Variants in LATS2 observed in about 807,000 individuals in gnomAD.
LATS2 encodes the protein serine/threonine-protein kinase LATS2.
A neutral mutation model predicts 76.0 loss-of-function variants in LATS2; 24 were observed. That is an observed-to-expected ratio of 0.32 (90% CI 0.23 to 0.44). LATS2 has a LOEUF of 0.44. Ranked by LOEUF, LATS2 falls within the 20% of genes least tolerant of loss-of-function variation. The pLI, the probability that LATS2 is intolerant of heterozygous loss-of-function variation, is 1.00. For synonymous variants in LATS2, 692 were observed against 635.4 expected (o/e 1.09, Z -1.34); for missense variants, 1,286 against 1,481.2 (o/e 0.87, Z 2.16).
At chr13:21,053,071 C>T (rs1399934172) in intron 1 of LATS2, among the ~76,000 whole-genome samples, 2 of 151,806 alleles carry the variant, frequency 1.3e-5, no homozygotes, top group African/African-American at 2.4e-5. Flanking sequence ...CCTGTGTCCA[C>T]CAAATATACA....
chr13:21,024,583 A>C (rs9509490), intron 2 of LATS2, among the ~76,000 whole-genome samples: 2 of 149,750 alleles, frequency 1.3e-5, no homozygotes, highest in African/African-American at 5.1e-5. Context: ...ATAGCGCCTC[A>C]CGGATGACAT....
intron 2 of LATS2, among the ~76,000 whole-genome samples, chr13:20,994,130 G>A (rs528398745): frequency 6.6e-6 from 1 of 152,174 alleles, no homozygotes; most frequent in Non-Finnish European, 1.5e-5. Flanking sequence ...TATGTTTATT[G>A]TGCATCAAAT....
chr13:20,988,419 G>A lies in LATS2; in HGVS notation c.1361C>T (p.Pro454Leu), dbSNP rs769757498. 85 of 1,434,010 alleles carry A rather than the reference G, an allele frequency of 5.9e-5. No homozygotes were observed. In the East Asian group the frequency reaches 2.0e-3, roughly 33 times the overall value. 88.8% of individuals were successfully genotyped at this position (1,434,010 alleles called of 1,614,324 possible). Residue 454 changes from proline to leucine, a missense_variant, in exon 4 of 8, where the codon CCG becomes CTG. Coordinates refer to ENST00000382592, the MANE Select transcript of LATS2 (RefSeq NM_014572.3). ...VKSVRVLRPE[P>L]QTAVGPSHPA... ...GTGCGAGGGCCCCACAGCCGTCTGCGGCTCCGGCCTCAGCACACGCACGCT... is the reference window on the plus strand; with the variant it reads ...GTGCGAGGGCCCCACAGCCGTCTGCAGCTCCGGCCTCAGCACACGCACGCT...
At chr13:21,001,922 A>AT (rs1034409382) in intron 2 of LATS2, among the ~76,000 whole-genome samples, 60 of 146,396 alleles carry the variant, frequency 4.1e-4, no homozygotes, top group African/African-American at 1.3e-3. Flanking sequence ...TTAAAAATCC[A>AT]TTTTTTTTTG....
At chr13:21,015,662 C>T (rs1208121075) in intron 2 of LATS2, among the ~76,000 whole-genome samples, 1 of 152,104 alleles carries the variant, frequency 6.6e-6, no homozygotes, top group South Asian at 2.1e-4. Flanking sequence ...TTGCAAAAAG[C>T]TCCATTTACC....
intron 2 of LATS2, among the ~76,000 whole-genome samples, chr13:21,020,589 T>C (rs1466181426): frequency 1.3e-5 from 2 of 152,234 alleles, no homozygotes; most frequent in South Asian, 2.1e-4. Flanking sequence ...ATAAATGTTG[T>C]CCTGCTTAAA....
At chr13:21,043,446 TA>T (rs1398097945) in intron 2 of LATS2, among the ~76,000 whole-genome samples, 1 of 152,228 alleles carries the variant, frequency 6.6e-6, no homozygotes, top group Non-Finnish European at 1.5e-5. Flanking sequence ...TGGGTTCACA[TA>T]ATGACTTTCC....
At chr13:21,010,502 AG>A (rs1166656520) in intron 2 of LATS2, among the ~76,000 whole-genome samples, 1 of 152,202 alleles carries the variant, frequency 6.6e-6, no homozygotes, top group Non-Finnish European at 1.5e-5. Context: ...TGAATATTCA[AG>A]GAAGTTTTCC....
intron 2 of LATS2, among the ~76,000 whole-genome samples, chr13:21,028,647 C>T (rs966935994): frequency 7.2e-5 from 11 of 152,094 alleles, no homozygotes; most frequent in African/African-American, 2.4e-4. Context: ...CTTGACTCAC[C>T]GCAACCTCCG....
At chr13:21,029,520 C>T (rs935436980) in intron 2 of LATS2, among the ~76,000 whole-genome samples, 10 of 152,142 alleles carry the variant, frequency 6.6e-5, no homozygotes, top group African/African-American at 1.7e-4. Flanking sequence ...ATGTCGGGTG[C>T]GGTGGCTCAT....
chr13:21,026,104 C>T (rs912203003), intron 2 of LATS2, among the ~76,000 whole-genome samples: 27 of 152,248 alleles, frequency 1.8e-4, no homozygotes, highest in African/African-American at 6.3e-4. Flanking sequence ...GATGCCCCAC[C>T]CTCCTCTAGG....
Position 20,988,099 on chromosome 13 carries a change from C to T in LATS2, c.1681G>A (p.Ala561Thr), listed in dbSNP as rs941965324. The change falls in exon 4 of 8, where the codon GCC (alanine) becomes ACC (threonine). Residue 561 changes from alanine to threonine, a missense_variant. Around this residue, in one of 5 missense-constraint regions of LATS2, gnomAD observed 710 missense variants for 660.9 expected, o/e 1.07. Coordinates refer to ENST00000382592, the MANE Select transcript of LATS2 (RefSeq NM_014572.3). The stretch of plus-strand genomic sequence containing the variant: ...TCCTTTCCGCCTTTGTCCCCCTTGG[C>T]GCTTTTGCGGCTCTTGTCGCCGCCC... ...PEGGDKSRKS[A>T]KGDKGGKDKK... 2.5e-6 allele frequency: 4 copies of T among 1,614,272 alleles called. No homozygotes were observed. The highest frequency in any genetic ancestry group is 1.6e-4 in the Middle Eastern group (1 of 6,062).
intron 2 of LATS2, among the ~76,000 whole-genome samples, chr13:21,014,507 T>C (rs180788093): frequency 1.2e-4 from 19 of 152,250 alleles, no homozygotes; most frequent in Admixed American, 2.6e-4. Context: ...GTGAAATGTA[T>C]ATGCTAGATA....
At chr13:21,016,481 T>C (rs1871805347) in intron 2 of LATS2, among the ~76,000 whole-genome samples, 1 of 152,086 alleles carries the variant, frequency 6.6e-6, no homozygotes, top group South Asian at 2.1e-4. Flanking sequence ...GGTTTCACTA[T>C]GTTGGCCAAG....
At chr13:21,058,698 G>A (rs1352295457) in intron 1 of LATS2, among the ~76,000 whole-genome samples, 1 of 152,180 alleles carries the variant, frequency 6.6e-6, no homozygotes, top group African/African-American at 2.4e-5. Context: ...GCTAGCCTCT[G>A]CTCAGATACC....
chr13:21,024,439 A>G (rs1013172396), intron 2 of LATS2, among the ~76,000 whole-genome samples: 1 of 152,126 alleles, frequency 6.6e-6, no homozygotes, highest in African/African-American at 2.4e-5. Flanking sequence ...CTGAATGATA[A>G]TAATAATAAA....
chr13:21,044,149 A>T (rs181624868), intron 2 of LATS2, among the ~76,000 whole-genome samples: 46 of 152,350 alleles, frequency 3.0e-4, no homozygotes, highest in Admixed American at 2.7e-3. Flanking sequence ...AACAATCCTC[A>T]CTATATACAA....
At chr13:21,006,676 C>T (rs140301685) in intron 2 of LATS2, among the ~76,000 whole-genome samples, 192 of 152,318 alleles carry the variant, frequency 1.3e-3, no homozygotes, top group Non-Finnish European at 1.6e-3. Flanking sequence ...AAAATTCTGC[C>T]GCTGTCTCCA....
At chr13:20,976,137 T>G (rs1187886690) in intron 7 of LATS2, among the ~76,000 whole-genome samples, 1 of 119,696 alleles carries the variant, frequency 8.4e-6, no homozygotes, top group Non-Finnish European at 1.6e-5. Flanking sequence ...TAAATGCACT[T>G]GTTGTAGAGA....
Sources: gnomAD v4.1 joint callset for allele counts (sites outside exome capture counted in the v4.1 genomes callset) on GRCh38, gnomAD v4.1.1 for gene constraint, gnomAD v4.1.1 regional missense constraint, MANE v1.5 for transcripts, NCBI Gene and HGNC (gene_info 2026-07-23, HGNC 2026-07-21) for gene names.